CACNA2D3: variants seen among roughly 807,000 people sequenced by gnomAD.
CACNA2D3 encodes voltage-dependent calcium channel subunit alpha-2/delta-3.
Under a neutral mutation model 160.6 loss-of-function variants are expected in CACNA2D3, and 60 were observed. The ratio of observed to expected loss-of-function variants is 0.37; its 90% CI spans 0.30 to 0.46. The LOEUF (loss-of-function observed/expected upper bound fraction) is 0.46, where lower values mean the gene tolerates loss of function less well. Among genes scored for constraint, CACNA2D3 ranks in the 20% least tolerant of loss-of-function variants. The pLI, the probability that CACNA2D3 is intolerant of heterozygous loss-of-function variation, is 1.00. For synonymous variants in CACNA2D3, 558 were observed against 492.9 expected, an observed-to-expected ratio of 1.13 and a Z score of -1.75; for missense variants, 1,205 against 1,365.0, an observed-to-expected ratio of 0.88 and a Z score of 1.85.
chr3:54,300,951 T>G (rs1703462097), intron 2 of CACNA2D3, among the ~76,000 whole-genome samples: 1 of 151,008 alleles, frequency 6.6e-6, no homozygotes, highest in African/African-American at 2.4e-5. Context: ...AGCCCAGGAG[T>G]TTGAGGTTGC....
intron 18 of CACNA2D3, among the ~76,000 whole-genome samples, chr3:54,878,249 G>T (rs2106835486): frequency 6.6e-6 from 1 of 152,312 alleles, no homozygotes; most frequent in East Asian, 1.9e-4. Context: ...GCTGTGGCAT[G>T]TCAGCGTTTG....
intron 11 of CACNA2D3, among the ~76,000 whole-genome samples, chr3:54,741,621 A>G (rs1001279735): frequency 3.3e-5 from 5 of 151,486 alleles, no homozygotes; most frequent in African/African-American, 1.2e-4. Flanking sequence ...AAAGACTGTT[A>G]TTTCACCAGG....
chr3:54,337,579 G>T (rs1704414004), intron 3 of CACNA2D3, among the ~76,000 whole-genome samples: 1 of 152,180 alleles, frequency 6.6e-6, no homozygotes, highest in South Asian at 2.1e-4. Context: ...CTATTGAGAA[G>T]ACTAGACTGG....
chr3:54,586,239 G>A (rs1476475033), intron 9 of CACNA2D3, among the ~76,000 whole-genome samples: 1 of 138,036 alleles, frequency 7.2e-6, no homozygotes, highest in East Asian at 2.0e-4. Flanking sequence ...ACTCCAGCCT[G>A]GGCAATAGAG....
intron 2 of CACNA2D3, among the ~76,000 whole-genome samples, chr3:54,228,963 C>A (rs1701721645): frequency 6.6e-6 from 1 of 152,214 alleles, no homozygotes; most frequent in Non-Finnish European, 1.5e-5. Flanking sequence ...GTCTCAGATA[C>A]CTCCAGGGCG....
At chr3:54,478,599 T>C (rs1260670469) in intron 4 of CACNA2D3, among the ~76,000 whole-genome samples, 1 of 148,566 alleles carries the variant, frequency 6.7e-6, no homozygotes, top group Non-Finnish European at 1.5e-5. Context: ...ACCACTGCAC[T>C]CCAGCCTGGG....
At chr3:54,265,530 A>ATGTGTGTGTGTG (rs59375998) in intron 2 of CACNA2D3, among the ~76,000 whole-genome samples, 2 of 134,816 alleles carry the variant, frequency 1.5e-5, no homozygotes, top group South Asian at 4.9e-4. Context: ...AACTTAAAGT[A>ATGTGTGTGTGTG]TGTGTGTGTG....
chr3:54,125,618 CAG>C (rs955903906), intron 2 of CACNA2D3, among the ~76,000 whole-genome samples: 1 of 152,106 alleles, frequency 6.6e-6, no homozygotes, highest in Non-Finnish European at 1.5e-5. Context: ...GGTTACTTGG[CAG>C]AGACTTTCAT....
In CACNA2D3 at chr3:55,031,632, T is replaced by A. The variant is rs145502047; in HGVS notation, c.2987+13315T>A. Among the ~76,000 whole-genome samples the A allele has an allele frequency of 2.0e-5, 3 of 152,352 alleles. No homozygotes were observed. In the East Asian group the frequency reaches 5.8e-4, roughly 29 times the overall value. On this transcript the variant is annotated intron_variant, in intron 35 of 37. Transcript: ENST00000474759. Reference sequence around the variant, plus strand: ...CCACCTTTTGGAGCATCTCTCATGATTTTGACAAGAAGACCACTTGGCACC... The same window carrying A: ...CCACCTTTTGGAGCATCTCTCATGAATTTGACAAGAAGACCACTTGGCACC...
intron 2 of CACNA2D3, among the ~76,000 whole-genome samples, chr3:54,245,764 C>T: frequency 6.6e-6 from 1 of 152,210 alleles, no homozygotes; most frequent in Non-Finnish European, 1.5e-5. Context: ...AAAATAGGCT[C>T]ATCTAAGTAT....
chr3:54,138,017 G>A (rs1285571825), intron 2 of CACNA2D3, among the ~76,000 whole-genome samples: 1 of 152,214 alleles, frequency 6.6e-6, no homozygotes, highest in Non-Finnish European at 1.5e-5. Context: ...CAGTCACAGT[G>A]CTGTGCTGTC....
In CACNA2D3 at chr3:54,660,320, C is replaced by T. The variant is rs901115586; in HGVS notation, c.1167+18079C>T. Among the ~76,000 whole-genome samples the T allele has an allele frequency of 4.6e-5, 7 of 152,034 alleles. No homozygotes were observed. The South Asian group carries it at 1.2e-3, about 27-fold the overall frequency. ...GGACTACAGGCGCCCACCACCATGC[C>T]CGGCTAATTTTTTGTATTTTTAGTA... On this transcript the variant is annotated intron_variant, in intron 11 of 37. Transcript: ENST00000474759.
chr3:54,690,588 A>G (rs545140407), intron 11 of CACNA2D3, among the ~76,000 whole-genome samples: 1 of 152,114 alleles, frequency 6.6e-6, no homozygotes, highest in East Asian at 1.9e-4. Flanking sequence ...GGCTAGTGGT[A>G]TTTGTATTGA....
At chr3:54,631,890 A>C (rs1258601115) in intron 10 of CACNA2D3, among the ~76,000 whole-genome samples, 1 of 152,182 alleles carries the variant, frequency 6.6e-6, no homozygotes, top group Non-Finnish European at 1.5e-5. Context: ...TTACCTTTTA[A>C]AATTTTTTCT....
chr3:54,210,418 A>G (rs900064519), intron 2 of CACNA2D3, among the ~76,000 whole-genome samples: 4 of 151,470 alleles, frequency 2.6e-5, no homozygotes, highest in African/African-American at 9.7e-5. Context: ...ACACTGTGCA[A>G]AGTTTTTGTG....
chr3:55,029,305 C>T (rs1042012280), intron 35 of CACNA2D3, among the ~76,000 whole-genome samples: 2 of 152,208 alleles, frequency 1.3e-5, no homozygotes, highest in African/African-American at 4.8e-5. Context: ...CTAACCCTCA[C>T]TTTGCTCATC....
chr3:54,793,827 G>A (rs1008040548), intron 13 of CACNA2D3, among the ~76,000 whole-genome samples: 4 of 152,116 alleles, frequency 2.6e-5, no homozygotes, highest in African/African-American at 9.7e-5. Flanking sequence ...ATGTTTGTTA[G>A]AATTCATTAA....
At chr3:54,676,505 CTGGGCCCCTACCTGT>C (rs1700247446) in intron 11 of CACNA2D3, among the ~76,000 whole-genome samples, 3 of 152,068 alleles carry the variant, frequency 2.0e-5, no homozygotes. Context: ...GGGGTGTGTG[CTGGGCCCCTACCTGT>C]TGGGCTGTGT....
intron 31 of CACNA2D3, among the ~76,000 whole-genome samples, chr3:55,000,354 T>G (rs955676680): frequency 1.3e-5 from 2 of 152,158 alleles, no homozygotes; most frequent in Non-Finnish European, 2.9e-5. Context: ...GCTTATTTTG[T>G]AACCTCGTCA....
Sources: gnomAD v4.1 joint callset for allele counts (sites outside exome capture counted in the v4.1 genomes callset) on GRCh38, gnomAD v4.1.1 for gene constraint, MANE v1.5 for transcripts, NCBI Gene and HGNC (gene_info 2026-07-23, HGNC 2026-07-21) for gene names.